NCOR1: variants seen among roughly 807,000 people sequenced by gnomAD.
NCOR1 encodes the protein protein phosphatase 1, regulatory subunit 109.
A neutral mutation model predicts 288.1 loss-of-function variants in NCOR1; 63 were observed. That is an observed-to-expected ratio of 0.22 (90% CI 0.18 to 0.27). NCOR1 has a LOEUF of 0.27. NCOR1 is among the 10% of genes least tolerant of loss of function. The pLI, the probability that NCOR1 is intolerant of heterozygous loss-of-function variation, is 1.00. For missense variants in NCOR1, 2,397 were observed against 3,019.2 expected, an observed-to-expected ratio of 0.79 and a Z score of 4.83; for synonymous variants, 1,007 against 1,065.9, an observed-to-expected ratio of 0.94 and a Z score of 1.08.
chr17:16,203,071 A>ACACACACT (rs900762304), intron 1 of NCOR1, among the ~76,000 whole-genome samples: 71 of 143,104 alleles, frequency 5.0e-4, no homozygotes, highest in African/African-American at 1.6e-3. Context: ...ACACACACAC[A>ACACACACT]CTCTGAAGCT....
At chr17:16,142,210 A>T (rs2077259587) in intron 11 of NCOR1, among the ~76,000 whole-genome samples, 1 of 152,210 alleles carries the variant, frequency 6.6e-6, no homozygotes. Flanking sequence ...TAAATGTGCT[A>T]AGTAGTATGA....
intron 14 of NCOR1, among the ~76,000 whole-genome samples, chr17:16,132,843 A>G (rs2075844626): frequency 7.0e-6 from 1 of 142,458 alleles, no homozygotes; most frequent in Non-Finnish European, 1.5e-5. Flanking sequence ...GATTCTAGGC[A>G]TGAGCCACCA....
chr17:16,072,377 C>T, intron 28 of NCOR1, 149 bp from the exon 29 acceptor site: 2 of 490,272 alleles, frequency 4.1e-6, no homozygotes, highest in Non-Finnish European at 6.9e-6. Context: ...TCCAGAAGTA[C>T]CTAATATGAC....
chr17:16,039,426 G>T lies in NCOR1; in HGVS notation c.6955+7C>A. On this transcript the variant is annotated splice_region_variant and intron_variant, in intron 44 of 45. Coordinates refer to ENST00000268712, the MANE Select transcript of NCOR1 (RefSeq NM_006311.4). ...GCAGCAGAAAAGCACTAAAATGAAAGCTGTACCTGAATGAGGTGATGGGTC... is the reference window on the plus strand; with the variant it reads ...GCAGCAGAAAAGCACTAAAATGAAATCTGTACCTGAATGAGGTGATGGGTC... 1 of 1,611,934 alleles carries T rather than the reference G, an allele frequency of 6.2e-7. No individual in the cohort carries two copies.
chr17:16,039,490 A>AGGT lies in NCOR1; in HGVS notation c.6895_6897dup (p.Thr2299dup). 1.2e-6 allele frequency: 2 copies of AGGT among 1,614,020 alleles called. No homozygotes were observed. The highest frequency in any genetic ancestry group is 1.7e-6 in the Non-Finnish European group (2 of 1,180,002). On this transcript the variant is annotated inframe_insertion, in exon 44 of 46. Coordinates refer to ENST00000268712, the MANE Select transcript of NCOR1 (RefSeq NM_006311.4). The stretch of plus-strand genomic sequence containing the variant: ...CGTGTCTCACCACTGGTCACAACTG[A>AGGT]GGTGTTGGCAGTACCAGGCACTACT...
Position 16,031,706 on chromosome 17 carries a change from A to G in NCOR1, c.*590T>C, listed in dbSNP as rs1972032870. ...CAGATTTTATGACAGGGTCTGTGTT[A>G]AAAATCTAAACATTTTCACAAGATT... On this transcript the variant is annotated 3_prime_UTR_variant, in exon 46 of 46. Coordinates refer to ENST00000268712, the MANE Select transcript of NCOR1 (RefSeq NM_006311.4). 1 of 228,316 alleles carries G rather than the reference A, an allele frequency of 4.4e-6. No homozygotes were observed. 14.1% of individuals were successfully genotyped at this position (228,316 alleles called of 1,614,324 possible).
chr17:16,197,890 C>T (rs1269179286), intron 1 of NCOR1, among the ~76,000 whole-genome samples: 4 of 152,092 alleles, frequency 2.6e-5, no homozygotes, highest in Admixed American at 6.6e-5. Context: ...AAAATCTCCT[C>T]GCCCTTCTTC....
intron 2 of NCOR1, among the ~76,000 whole-genome samples, chr17:16,187,949 A>G (rs1450539805): frequency 2.0e-5 from 3 of 151,892 alleles, no homozygotes; most frequent in Non-Finnish European, 4.4e-5. Flanking sequence ...AAATCCATAG[A>G]AACAGAAAAT....
chr17:16,166,542 T>G (rs949549194), intron 4 of NCOR1, among the ~76,000 whole-genome samples: 1 of 152,006 alleles, frequency 6.6e-6, no homozygotes, highest in Non-Finnish European at 1.5e-5. Flanking sequence ...TAGCTGGGCG[T>G]GGTGGCGGGC....
rs540239714 is a variant in NCOR1, at chr17:16,192,345, C to T, written c.108+2117G>A. On this transcript the variant is annotated intron_variant, in intron 2 of 45. Transcript: ENST00000268712. Reference sequence around the variant, plus strand: ...CCTGGCCAACATAGCGAAAACTTGTCCCTACTAAAAATACAAAAAATTAGC... The same window carrying T: ...CCTGGCCAACATAGCGAAAACTTGTTCCTACTAAAAATACAAAAAATTAGC... 4.9e-3 allele frequency among the ~76,000 whole-genome samples: 747 copies of T among 152,118 alleles called. 8 individuals carry two copies. Among genetic ancestry groups the T allele is most frequent in the African/African-American group, 0.017 (701 of 41,502 alleles).
intron 14 of NCOR1, among the ~76,000 whole-genome samples, chr17:16,134,662 C>A (rs1197037567): frequency 6.6e-6 from 1 of 152,120 alleles, no homozygotes; most frequent in Non-Finnish European, 1.5e-5. Flanking sequence ...AACATCCGTG[C>A]CCCATAGAAC....
chr17:16,093,898 C>T (rs1598482401), intron 21 of NCOR1, among the ~76,000 whole-genome samples: 1 of 151,950 alleles, frequency 6.6e-6, no homozygotes. Context: ...TTAACCTTTA[C>T]GATAATTTTT....
rs540467183 is a variant in NCOR1 at position 16,129,281 on chromosome 17, T to C, written c.1510-3075A>G. 2.0e-5 allele frequency among the ~76,000 whole-genome samples: 3 copies of C among 152,304 alleles called. No individual in the cohort carries two copies. In the South Asian group the frequency reaches 6.2e-4, roughly 32 times the overall value. ...TCTTCTCTCCAACTACAACCACCCA[T>C]CGCACACCTTCATTGTGTCTGATCC... is the stretch of plus-strand genomic sequence containing the variant. On this transcript the variant is annotated intron_variant, in intron 14 of 45. Transcript: ENST00000268712.
intron 35 of NCOR1, among the ~76,000 whole-genome samples, chr17:16,063,786 C>G (rs553391450): frequency 6.6e-6 from 1 of 152,270 alleles, no homozygotes; most frequent in African/African-American, 2.4e-5. Flanking sequence ...GTTCTTTCAG[C>G]CTTGAAAGCT....
At chr17:16,117,420 T>C (rs1369476733) in intron 18 of NCOR1, among the ~76,000 whole-genome samples, 6 of 149,468 alleles carry the variant, frequency 4.0e-5, no homozygotes, top group Non-Finnish European at 7.4e-5. Context: ...AGCTAGCCTA[T>C]ACTAAAAATT....
chr17:16,072,023 A>T, intron 29 of NCOR1, 122 bp downstream of exon 29: 4 of 759,918 alleles, frequency 5.3e-6, no homozygotes, highest in Non-Finnish European at 6.2e-6. Flanking sequence ...GTAATAACCA[A>T]GACTTTAATA....
chr17:16,186,171 CA>C (rs2086642547), intron 3 of NCOR1, among the ~76,000 whole-genome samples: 1 of 152,074 alleles, frequency 6.6e-6, no homozygotes, highest in African/African-American at 2.4e-5. Context: ...ACCCTAGCTG[CA>C]AATCAGAATT....
intron 3 of NCOR1, among the ~76,000 whole-genome samples, chr17:16,180,532 C>T (rs181982284): frequency 1.3e-5 from 2 of 152,182 alleles, no homozygotes; most frequent in African/African-American, 4.8e-5. Flanking sequence ...AGAAGGATCG[C>T]TTGAGGCCAG....
At chr17:16,044,974 G>T in intron 42 of NCOR1, 2 of 517,464 alleles carry the variant, frequency 3.9e-6, no homozygotes, top group East Asian at 3.6e-5. Context: ...TTCTTATAAC[G>T]TGTTCAATAC....
Sources: gnomAD v4.1 joint callset for allele counts (sites outside exome capture counted in the v4.1 genomes callset) on GRCh38, gnomAD v4.1.1 for gene constraint, MANE v1.5 for transcripts, NCBI Gene and HGNC (gene_info 2026-07-23, HGNC 2026-07-21) for gene names.